The following CAMTA1 variants were observed in gnomAD, a reference collection of about 807,000 sequenced individuals.
CAMTA1 encodes the protein calmodulin-binding transcription activator 1.
Under a neutral mutation model 170.9 loss-of-function variants are expected in CAMTA1, and 27 were observed. That is an observed-to-expected ratio of 0.16 (90% confidence interval 0.12 to 0.22). The LOEUF is 0.22. Among genes scored for constraint, CAMTA1 ranks in the 10% least tolerant of loss-of-function variants. The pLI, the probability that CAMTA1 is intolerant of heterozygous loss-of-function variation, is 1.00. For missense variants in CAMTA1, 1,619 were observed against 2,217.2 expected, an observed-to-expected ratio of 0.73 and a Z score of 5.42; for synonymous variants, 833 against 891.5, an observed-to-expected ratio of 0.93 and a Z score of 1.17.
intron 5 of CAMTA1, among the ~76,000 whole-genome samples, chr1:7,362,924 A>G (rs990721284): frequency 6.6e-6 from 1 of 152,080 alleles, no homozygotes; most frequent in African/African-American, 2.4e-5. Flanking sequence ...GGGTTGATGG[A>G]CTTGAATAGA....
intron 4 of CAMTA1, among the ~76,000 whole-genome samples, chr1:7,101,780 A>AACACACAATACATGTGT (rs1553245421): frequency 6.6e-6 from 1 of 151,076 alleles, no homozygotes; most frequent in Non-Finnish European, 1.5e-5. Flanking sequence ...ACAAATTTGT[A>AACACACAATACATGTGT]ACACACAATA....
At position 7,681,337 on chromosome 1, in the gene CAMTA1, G is replaced by C. The variant is rs1180625635; in HGVS notation, c.2914+3604G>C. ...CTAGTGGTAAGGAAGGTTTCACAGAGGAAACGACCCCCTTGGTGAGACCTG... is the reference window on the plus strand; with the variant it reads ...CTAGTGGTAAGGAAGGTTTCACAGACGAAACGACCCCCTTGGTGAGACCTG... On this transcript the variant is annotated intron_variant, in intron 11 of 22. Transcript: ENST00000303635. The surrounding 1 kb of genome is among the most constrained non-coding windows in gnomAD (Gnocchi z 4.6). 6.6e-6 allele frequency among the ~76,000 whole-genome samples: 1 copy of C among 152,222 alleles called. No homozygotes were observed. The highest frequency in any genetic ancestry group is 1.5e-5 in the Non-Finnish European group (1 of 68,044).
At chr1:7,739,694 C>T (rs1282609930) in intron 16 of CAMTA1, among the ~76,000 whole-genome samples, 3 of 152,168 alleles carry the variant, frequency 2.0e-5, no homozygotes, top group East Asian at 1.9e-4. Context: ...TCTCAAGAGC[C>T]TTCTTCACTA....
At chr1:7,439,388 C>G (rs1299151621) in intron 5 of CAMTA1, among the ~76,000 whole-genome samples, 2 of 152,174 alleles carry the variant, frequency 1.3e-5, no homozygotes, top group Non-Finnish European at 2.9e-5. Flanking sequence ...CCCCCTGCCC[C>G]TGCACCACCC....
In CAMTA1 at chr1:7,732,442, C is replaced by T. The variant is rs1370405928; in HGVS notation, c.2915-6C>T. 2 of 1,612,468 alleles carry T rather than the reference C, an allele frequency of 1.2e-6. No individual in the cohort carries two copies. Among genetic ancestry groups the T allele is most frequent in the Non-Finnish European group, 1.7e-6 (2 of 1,178,706 alleles). On this transcript the variant is annotated splice_region_variant and splice_polypyrimidine_tract_variant and intron_variant, in intron 11 of 22. Transcript: ENST00000303635. This position sits in a 1 kb window ranked among gnomAD's most constrained non-coding sequence, Gnocchi z 4.1. ...CAACCTCACTCTTCCTCCTGCTCTG[C>T]CCTAGATAACCAGTTCAGGATGTCC...
chr1:7,425,488 G>C (rs1228237704), intron 5 of CAMTA1, among the ~76,000 whole-genome samples: 1 of 152,114 alleles, frequency 6.6e-6, no homozygotes, highest in Non-Finnish European at 1.5e-5. Flanking sequence ...TGGGGTGGAC[G>C]CTGCAAGGCC....
intron 5 of CAMTA1, among the ~76,000 whole-genome samples, chr1:7,428,780 C>T (rs1302822245): frequency 5.3e-5 from 8 of 151,996 alleles, no homozygotes; most frequent in Non-Finnish European, 1.0e-4. Flanking sequence ...CTGAGTGCCA[C>T]GTCTTGTATT....
At chr1:7,062,984 A>G (rs1038424942) in intron 3 of CAMTA1, among the ~76,000 whole-genome samples, 3 of 152,234 alleles carry the variant, frequency 2.0e-5, no homozygotes, top group African/African-American at 7.2e-5. Context: ...CATCTTAACT[A>G]GATGACATCG....
chr1:6,875,355 G>A (rs1381938547), intron 3 of CAMTA1, among the ~76,000 whole-genome samples: 2 of 152,102 alleles, frequency 1.3e-5, no homozygotes, highest in South Asian at 4.1e-4. Context: ...GCAGTGGCGC[G>A]ATCTCAGCTC....
chr1:6,793,949 G>T (rs1228121278), intron 1 of CAMTA1, among the ~76,000 whole-genome samples: 1 of 152,108 alleles, frequency 6.6e-6, no homozygotes, highest in African/African-American at 2.4e-5. Flanking sequence ...TCATTTGGGA[G>T]TGATAATAAG....
intron 5 of CAMTA1, among the ~76,000 whole-genome samples, chr1:7,396,119 A>G (rs2089285849): frequency 6.6e-6 from 1 of 152,190 alleles, no homozygotes; most frequent in African/African-American, 2.4e-5. Context: ...ATGCAGGCAG[A>G]TCCCTCATGA....
rs187344364 is a variant in CAMTA1, at chr1:7,063,131, C to T, written c.235-28173C>T. Among the ~76,000 whole-genome samples, 9 of 152,290 alleles carry T rather than the reference C, an allele frequency of 5.9e-5. No homozygotes were observed. The highest frequency in any genetic ancestry group is 8.8e-5 in the Non-Finnish European group (6 of 68,026). ...AACTGCAGGAGGCAGAAAACGTCGC[C>T]GACTTACTCACCATTGTGTTCCCAG... On this transcript the variant is annotated intron_variant, in intron 3 of 22. Coordinates refer to ENST00000303635, the MANE Select transcript of CAMTA1 (RefSeq NM_015215.4). The surrounding 1 kb of genome is among the most constrained non-coding windows in gnomAD (Gnocchi z 4.3).
intron 3 of CAMTA1, among the ~76,000 whole-genome samples, chr1:6,849,163 A>G (rs1659453413): frequency 6.6e-6 from 1 of 152,178 alleles, no homozygotes; most frequent in Non-Finnish European, 1.5e-5. Context: ...GGAGAGGAGA[A>G]ATTCCTGAGA....
chr1:6,936,428 T>A (rs1471869614), intron 3 of CAMTA1, among the ~76,000 whole-genome samples: 2 of 152,062 alleles, frequency 1.3e-5, no homozygotes, highest in East Asian at 3.9e-4. Context: ...GTGCCTGGTG[T>A]CACTGGTGGC....
rs1469132025 is a variant in CAMTA1, at chr1:7,767,374, G to C, written c.*883G>C. 1 of 152,710 alleles carries C rather than the reference G, an allele frequency of 6.5e-6. No individual in the cohort carries two copies. Among genetic ancestry groups the C allele is most frequent in the Non-Finnish European group, 1.5e-5 (1 of 68,038 alleles). 9.5% of individuals were successfully genotyped at this position (152,710 alleles called of 1,614,324 possible). On this transcript the variant is annotated 3_prime_UTR_variant, in exon 23 of 23. Transcript: ENST00000303635. ...GTAGCCTTTTTTAGTAACCTTGGAA[G>C]CTGTAGTAATTCTAAGGAATCATGA...
chr1:6,798,592 T>TATC (rs1643134936), intron 1 of CAMTA1, among the ~76,000 whole-genome samples: 1 of 126,162 alleles, frequency 7.9e-6, no homozygotes, highest in Non-Finnish European at 1.7e-5. Flanking sequence ...TAATTTTTTT[T>TATC]TTTTTTTTTT....
chr1:7,039,363 A>G (rs1390014227), intron 3 of CAMTA1, among the ~76,000 whole-genome samples: 6 of 152,182 alleles, frequency 3.9e-5, no homozygotes, highest in African/African-American at 1.4e-4. Context: ...GTAATTCTTG[A>G]AGCACAGGGG....
chr1:7,309,681 T>G (rs1459389372), intron 5 of CAMTA1, among the ~76,000 whole-genome samples: 1 of 152,122 alleles, frequency 6.6e-6, no homozygotes, highest in Non-Finnish European at 1.5e-5. Flanking sequence ...TTTTTAGTAT[T>G]GTATTTTACA....
At chr1:7,597,596 G>A (rs1253665852) in intron 6 of CAMTA1, among the ~76,000 whole-genome samples, 1 of 151,966 alleles carries the variant, frequency 6.6e-6, no homozygotes, top group Non-Finnish European at 1.5e-5. Context: ...AGAGAGAGAG[G>A]AGCATGATTG....
Sources: allele counts gnomAD v4.1 joint callset (sites outside exome capture counted in the v4.1 genomes callset), GRCh38; gene constraint gnomAD v4.1.1; non-coding constraint Gnocchi (gnomAD v3.1); transcripts MANE v1.5; gene names NCBI Gene and HGNC (gene_info 2026-07-23, HGNC 2026-07-21).